DPYSL3: variants seen among roughly 807,000 people sequenced by gnomAD.
The protein encoded by DPYSL3 is dihydropyrimidinase like 3, also known as dihydropyrimidinase-related protein 3.
Under a neutral mutation model 66.1 loss-of-function variants are expected in DPYSL3, and 16 were observed. That is an observed-to-expected ratio of 0.24 (90% confidence interval 0.16 to 0.37). The LOEUF is 0.37. DPYSL3 is among the 10% of genes least tolerant of loss of function. DPYSL3 has a pLI of 1.00. For synonymous variants in DPYSL3, 338 were observed against 345.1 expected, an observed-to-expected ratio of 0.98 and a Z score of 0.23; for missense variants, 738 against 916.2, an observed-to-expected ratio of 0.81 and a Z score of 2.51.
chr5:147,493,298 C>T (rs560449018), intron 1 of DPYSL3, among the ~76,000 whole-genome samples: 15 of 152,194 alleles, frequency 9.9e-5, no homozygotes, highest in African/African-American at 3.6e-4. Context: ...ATGGGCAGGA[C>T]GTGGTGGTTC....
chr5:147,392,601 C>T lies in DPYSL3; in HGVS notation c.*1434G>A, dbSNP rs1217788162. The T allele has an allele frequency of 6.6e-6, 1 of 152,240 alleles. No homozygotes were observed. The highest frequency in any genetic ancestry group is 2.4e-5 in the African/African-American group (1 of 41,466). The allele number at this position is 152,240 out of a possible 1,614,324, so 9.4% of individuals were successfully genotyped here. A position where few individuals can be genotyped will look rare whatever the true frequency, so the allele number is the denominator to read the frequency against. On this transcript the variant is annotated 3_prime_UTR_variant, in exon 14 of 14. Coordinates refer to ENST00000343218, the MANE Select transcript of DPYSL3 (RefSeq NM_001197294.2). ...ATAGATTCTTATCTTGCTCACAGGA[C>T]TTGCTCCAAAACTGAATTTTCAGAA... is the stretch of plus-strand genomic sequence containing the variant.
At chr5:147,443,658 T>A (rs2126377241) in intron 1 of DPYSL3, among the ~76,000 whole-genome samples, 2 of 151,334 alleles carry the variant, frequency 1.3e-5, no homozygotes, top group Middle Eastern at 3.4e-3. Context: ...AAAGTATGAA[T>A]TTTACAGAGC....
intron 1 of DPYSL3, among the ~76,000 whole-genome samples, chr5:147,485,399 G>T (rs1753314459): frequency 6.6e-6 from 1 of 152,040 alleles, no homozygotes; most frequent in African/African-American, 2.4e-5. Flanking sequence ...AATAAACCAG[G>T]AGTACTTCCT....
chr5:147,494,974 C>T (rs979899615), intron 1 of DPYSL3, among the ~76,000 whole-genome samples: 1 of 151,832 alleles, frequency 6.6e-6, no homozygotes, highest in African/African-American at 2.4e-5. Context: ...GCCAGTTCCT[C>T]GAAAGGCATA....
At position 147,393,751 on chromosome 5, in the gene DPYSL3, T is replaced by C. The variant is rs1757884891; in HGVS notation, c.*284A>G. ...GCAGCACTACACACGCTCTCAACACTATGATAGAGCAGACTCTTTTACCTT... is the reference window on the plus strand; with the variant it reads ...GCAGCACTACACACGCTCTCAACACCATGATAGAGCAGACTCTTTTACCTT... On this transcript the variant is annotated 3_prime_UTR_variant, in exon 14 of 14. Transcript: ENST00000343218. 2.4e-6 allele frequency: 1 copy of C among 418,382 alleles called. No homozygotes were observed. Among genetic ancestry groups the C allele is most frequent in the East Asian group, 4.7e-5 (1 of 21,104 alleles). 25.9% of individuals were successfully genotyped at this position (418,382 alleles called of 1,614,324 possible). A position where few individuals can be genotyped will look rare whatever the true frequency, so the allele number is the denominator to read the frequency against.
At chr5:147,499,879 T>C (rs1442564506) in intron 1 of DPYSL3, among the ~76,000 whole-genome samples, 1 of 152,138 alleles carries the variant, frequency 6.6e-6, no homozygotes, top group African/African-American at 2.4e-5. Flanking sequence ...AGCACATAAG[T>C]AGACCTACAT....
chr5:147,429,374 G>A (rs1374812609), intron 1 of DPYSL3, among the ~76,000 whole-genome samples: 1 of 152,126 alleles, frequency 6.6e-6, no homozygotes, highest in East Asian at 1.9e-4. Flanking sequence ...TTAACTACGT[G>A]TGTGATCTTG....
intron 12 of DPYSL3, 31 bp from the exon 13 acceptor site, chr5:147,395,752 A>G: frequency 6.2e-7 from 1 of 1,611,318 alleles, no homozygotes. Flanking sequence ...GTCACCATTC[A>G]TTCATTCAGC....
At chr5:147,442,527 T>G (rs1752552869) in intron 1 of DPYSL3, among the ~76,000 whole-genome samples, 1 of 152,180 alleles carries the variant, frequency 6.6e-6, no homozygotes, top group African/African-American at 2.4e-5. Flanking sequence ...CTGAGTGACT[T>G]CGGGAAGATT....
rs747779189 is a variant in DPYSL3, at chr5:147,401,620, G to A, written c.1230C>T (p.Ala410=). The A allele has an allele frequency of 8.1e-6, 13 of 1,613,990 alleles. No homozygotes were observed. The highest frequency in any genetic ancestry group is 3.4e-6 in the Non-Finnish European group (4 of 1,180,020). ...GGGATGTCACAAATGCAGCCGCCTTGGCCCAGTTCTTGCTCCAATAATGGG... is the reference window on the plus strand; with the variant it reads ...GGGATGTCACAAATGCAGCCGCCTTAGCCCAGTTCTTGCTCCAATAATGGG... ...DGTHYWSKNW[A]KAAAFVTSPP... Residue 410 remains alanine, a synonymous_variant, in exon 9 of 14, where the codon GCC becomes GCT. Coordinates refer to ENST00000343218, the MANE Select transcript of DPYSL3 (RefSeq NM_001197294.2).
In DPYSL3 at chr5:147,460,518, G is replaced by A. The variant is rs370633262; in HGVS notation, c.382-35555C>T. ...ATTAAGTTAAGGATCTTGACAAGGG[G>A]AGATTATCCTAGATTATTCAGGCAG... On this transcript the variant is annotated intron_variant, in intron 1 of 13. Transcript: ENST00000343218. 3.9e-5 allele frequency among the ~76,000 whole-genome samples: 6 copies of A among 152,308 alleles called. No individual in the cohort carries two copies. In the East Asian group the frequency reaches 5.8e-4, roughly 15 times the overall value.
chr5:147,492,222 C>T (rs1240082701), intron 1 of DPYSL3, among the ~76,000 whole-genome samples: 1 of 151,804 alleles, frequency 6.6e-6, no homozygotes, highest in Non-Finnish European at 1.5e-5. Context: ...TATTCTTCTA[C>T]AAAAAGAAAT....
At chr5:147,478,369 T>C (rs1753191205) in intron 1 of DPYSL3, among the ~76,000 whole-genome samples, 1 of 152,176 alleles carries the variant, frequency 6.6e-6, no homozygotes, top group Non-Finnish European at 1.5e-5. Context: ...GTTGCCTCAG[T>C]AAGAAAGAAG....
In DPYSL3 at chr5:147,493,276, AATGGACAGATC is replaced by A. The variant is rs554073522; in HGVS notation, c.381+16191_381+16201del. Among the ~76,000 whole-genome samples the A allele has an allele frequency of 2.0e-5, 3 of 152,352 alleles. No homozygotes were observed. The East Asian group carries it at 5.8e-4, about 29-fold the overall frequency. On this transcript the variant is annotated intron_variant, in intron 1 of 13. Transcript: ENST00000343218. ...GAAATTTTAACGCTTTTCTATCAGA[AATGGACAGATC>A]ATGGGCAGGACGTGGTGGTTCATGT...
chr5:147,433,710 G>A (rs1391587213), intron 1 of DPYSL3, among the ~76,000 whole-genome samples: 6 of 152,194 alleles, frequency 3.9e-5, no homozygotes, highest in Non-Finnish European at 8.8e-5. Context: ...TACTGTGAGA[G>A]TTAAAGACAT....
intron 1 of DPYSL3, among the ~76,000 whole-genome samples, chr5:147,430,215 G>T (rs945896014): frequency 1.3e-5 from 2 of 152,114 alleles, no homozygotes; most frequent in Non-Finnish European, 2.9e-5. Context: ...AAGGATGGGG[G>T]CCAGGTGTGG....
intron 9 of DPYSL3, 40 bp from the exon 10 acceptor site, chr5:147,400,873 G>C (rs948973562): frequency 6.2e-7 from 1 of 1,600,030 alleles, no homozygotes; most frequent in African/African-American, 1.3e-5. Context: ...AGGGGAGATG[G>C]CTGGAGGCAC....
intron 1 of DPYSL3, among the ~76,000 whole-genome samples, chr5:147,450,219 T>C (rs1021898941): frequency 1.3e-5 from 2 of 152,152 alleles, no homozygotes; most frequent in Non-Finnish European, 2.9e-5. Context: ...GGGGTAACTA[T>C]AGTCCCTCTC....
At chr5:147,497,169 A>C (rs1162639399) in intron 1 of DPYSL3, among the ~76,000 whole-genome samples, 1 of 149,750 alleles carries the variant, frequency 6.7e-6, no homozygotes, top group East Asian at 2.0e-4. Context: ...CAAACACTGC[A>C]TGTTCTCACT....
Sources: gnomAD v4.1 joint callset for allele counts (sites outside exome capture counted in the v4.1 genomes callset) on GRCh38, gnomAD v4.1.1 for gene constraint, MANE v1.5 for transcripts, NCBI Gene and HGNC (gene_info 2026-07-23, HGNC 2026-07-21) for gene names.